The following NECAP2 variants were observed in gnomAD, a reference collection of about 807,000 sequenced individuals.
NECAP2 encodes the protein adaptin ear-binding coat-associated protein 2.
In NECAP2, 38 loss-of-function variants were observed where a neutral mutation model predicts 37.8. The observed-to-expected ratio is 1.01, with a 90% CI of 0.78 to 1.32. NECAP2 has a LOEUF of 1.32. NECAP2 is among the 40% of genes most tolerant of loss of function. The pLI is 0.00. For missense variants in NECAP2, 316 were observed against 334.5 expected (o/e 0.94, Z 0.43); for synonymous variants, 121 against 127.7 (o/e 0.95, Z 0.35).
rs879146670 is a variant in NECAP2 at position 16,458,908 on chromosome 1, C to T, written c.*18C>T. 24 of 1,614,068 alleles carry T rather than the reference C, an allele frequency of 1.5e-5. No homozygotes were observed. The highest frequency in any genetic ancestry group is 4.4e-5 in the South Asian group (4 of 91,074). On this transcript the variant is annotated 3_prime_UTR_variant, in exon 8 of 8. Coordinates refer to ENST00000337132, the MANE Select transcript of NECAP2 (RefSeq NM_018090.5). ...AGTTCTGACCTGAGCACGGTTTTTC[C>T]TCATGTGACTTCTGGGAAGGCGCTC...
At chr1:16,446,352 A>G (rs1343527272) in intron 2 of NECAP2, among the ~76,000 whole-genome samples, 1 of 152,198 alleles carries the variant, frequency 6.6e-6, no homozygotes, top group Non-Finnish European at 1.5e-5. Context: ...GGATCACTTA[A>G]GACCAGGAGT....
At chr1:16,444,375 C>G (rs753893784) in intron 2 of NECAP2, among the ~76,000 whole-genome samples, 1 of 151,852 alleles carries the variant, frequency 6.6e-6, no homozygotes, top group Admixed American at 6.5e-5. Flanking sequence ...GGTGCCACAA[C>G]ATTCGGTCAT....
chr1:16,455,777 C>T, intron 6 of NECAP2, 41 bp from the exon 7 acceptor site: 3 of 1,528,006 alleles, frequency 2.0e-6, no homozygotes, highest in Non-Finnish European at 2.7e-6. Context: ...TTCTCTGTCC[C>T]CTCTTCTCTT....
At chr1:16,454,398 C>T (rs2086889285) in intron 6 of NECAP2, among the ~76,000 whole-genome samples, 1 of 151,390 alleles carries the variant, frequency 6.6e-6, no homozygotes, top group Non-Finnish European at 1.5e-5. Context: ...CTCTGTTGCC[C>T]AGGCTGGAGT....
At position 16,441,590 on chromosome 1, in the gene NECAP2, A is replaced by G. The variant is rs575893189; in HGVS notation, c.92+737A>G. Reference sequence around the variant, plus strand: ...TCTATCAAAACGACGAAAAATATTAAAAGAAAAAAGATACACTTCATACAG... The same window carrying G: ...TCTATCAAAACGACGAAAAATATTAGAAGAAAAAAGATACACTTCATACAG... On this transcript the variant is annotated intron_variant, in intron 1 of 7. Transcript: ENST00000337132. The G allele has an allele frequency of 2.6e-5, 4 of 152,344 alleles. No individual in the cohort carries two copies. The South Asian group carries it at 8.3e-4, about 32-fold the overall frequency. The allele number at this position is 152,344 out of a possible 1,614,324, so 9.4% of individuals were successfully genotyped here. A position where few individuals can be genotyped will look rare whatever the true frequency, so the allele number is the denominator to read the frequency against.
chr1:16,450,912 A>G (rs1326087687), intron 5 of NECAP2: 1 of 152,200 alleles, frequency 6.6e-6, no homozygotes, highest in Non-Finnish European at 1.5e-5. Flanking sequence ...CGAGCCATTC[A>G]TTGCACTCCA....
rs1164579487 is a variant in NECAP2 at position 16,452,030 on chromosome 1, G to T, written c.667+15G>T. ...TCCCAGTTCAGGTTAGTGCTCAGTG[G>T]GTGACTGCTGCATCAGTACCTGCCG... On this transcript the variant is annotated intron_variant, in intron 6 of 7. Transcript: ENST00000337132. 1 of 1,551,826 alleles carries T rather than the reference G, an allele frequency of 6.4e-7. No homozygotes were observed. Among genetic ancestry groups the T allele is most frequent in the Middle Eastern group, 1.8e-4 (1 of 5,634 alleles).
intron 1 of NECAP2, chr1:16,441,766 C>T (rs1475493423): frequency 6.6e-6 from 1 of 152,150 alleles, no homozygotes; most frequent in East Asian, 1.9e-4. Context: ...GGAACGTCCA[C>T]ATTTCCTCTT....
At position 16,459,179 on chromosome 1, in the gene NECAP2, A is replaced by G. The variant is rs1294433040; in HGVS notation, c.*289A>G. On this transcript the variant is annotated 3_prime_UTR_variant, in exon 8 of 8. Coordinates refer to ENST00000337132, the MANE Select transcript of NECAP2 (RefSeq NM_018090.5). The stretch of plus-strand genomic sequence containing the variant: ...TGAGAGAGACTCTGAGACTTCTTCC[A>G]TCGCAATGACCTGTATTAAACACAA... 2 of 573,978 alleles carry G rather than the reference A, an allele frequency of 3.5e-6. No individual in the cohort carries two copies. The highest frequency in any genetic ancestry group is 6.0e-6 in the Non-Finnish European group (2 of 332,708). 35.6% of individuals were successfully genotyped at this position (573,978 alleles called of 1,614,324 possible). A position where few individuals can be genotyped will look rare whatever the true frequency, so the allele number is the denominator to read the frequency against.
intron 7 of NECAP2, 94 bp downstream of exon 7, chr1:16,455,987 AT>A (rs1046481433): frequency 3.7e-6 from 3 of 816,806 alleles, no homozygotes; most frequent in African/African-American, 3.5e-5. Flanking sequence ...TGGTGTTAGG[AT>A]TAGGAGTAAC....
chr1:16,447,225 C>T (rs2086776756), intron 2 of NECAP2, among the ~76,000 whole-genome samples: 1 of 152,166 alleles, frequency 6.6e-6, no homozygotes, highest in African/African-American at 2.4e-5. Flanking sequence ...ATGGGAAAAA[C>T]TGATGCCAGT....
chr1:16,453,478 C>A (rs2086875594), intron 6 of NECAP2, among the ~76,000 whole-genome samples: 1 of 151,932 alleles, frequency 6.6e-6, no homozygotes, highest in Admixed American at 6.6e-5. Flanking sequence ...CCTAAGCAAC[C>A]AAGGTTGCTG....
chr1:16,440,754 G>C lies in NECAP2; in HGVS notation c.-8G>C, dbSNP rs962829179. On this transcript the variant is annotated 5_prime_UTR_variant, in exon 1 of 8. Transcript: ENST00000337132. ...TCGCCGGAAGTTCGGTGGGCTCCAG[G>C]CGTCGCGATGGAGGAGAGCGGGTAC... is the stretch of plus-strand genomic sequence containing the variant. 12 of 1,612,050 alleles carry C rather than the reference G, an allele frequency of 7.4e-6. No homozygotes were observed. Among genetic ancestry groups the C allele is most frequent in the Non-Finnish European group, 1.0e-5 (12 of 1,178,264 alleles).
chr1:16,440,817 A>G lies in NECAP2; in HGVS notation c.56A>G (p.Tyr19Cys), dbSNP rs770224883. 1 of 1,614,160 alleles carries G rather than the reference A, an allele frequency of 6.2e-7. No individual in the cohort carries two copies. Among genetic ancestry groups the G allele is most frequent in the Non-Finnish European group, 8.5e-7 (1 of 1,180,016 alleles). The change falls in exon 1 of 8, where the codon TAC (tyrosine) becomes TGC (cysteine). Residue 19 changes from tyrosine to cysteine, a missense_variant. By Grantham distance (194) the Tyr-to-Cys change is radical (BLOSUM62 -2). Around this residue, in one of 3 missense-constraint regions of NECAP2, gnomAD observed 81 missense variants for 124.2 expected, o/e 0.65. Transcript: ENST00000337132. ...TGTGTCAAGCCTGACGTCCACGTCT[A>G]CCGCATCCCTCCGCGGGCTACCAAC... Reference protein sequence around the residue: ...VLCVKPDVHVYRIPPRATNRG... With the variant: ...VLCVKPDVHVCRIPPRATNRG...
intron 3 of NECAP2, 38 bp from the exon 4 acceptor site, chr1:16,448,021 TG>T (rs1557687574): frequency 6.2e-7 from 1 of 1,613,872 alleles, no homozygotes; most frequent in African/African-American, 1.3e-5. Flanking sequence ...AGGTTTTCTC[TG>T]CCTTTGGAAG....
At chr1:16,442,732 A>T (rs772734977) in intron 1 of NECAP2, among the ~76,000 whole-genome samples, 4 of 152,216 alleles carry the variant, frequency 2.6e-5, no homozygotes, top group Admixed American at 6.5e-5. Context: ...CTTCAGGACC[A>T]GCCTGGGCAA....
intron 6 of NECAP2, chr1:16,455,537 G>A (rs2086904366): frequency 4.6e-6 from 2 of 431,516 alleles, no homozygotes; most frequent in Admixed American, 7.0e-5. Flanking sequence ...TAGATGACGT[G>A]AGACTAACCA....
At chr1:16,446,751 T>C (rs2086769323) in intron 2 of NECAP2, among the ~76,000 whole-genome samples, 1 of 152,094 alleles carries the variant, frequency 6.6e-6, no homozygotes, top group Non-Finnish European at 1.5e-5. Context: ...ACCATCTTGC[T>C]CATGCTAGTC....
chr1:16,449,280 G>C (rs2086807970), intron 5 of NECAP2, 79 bp downstream of exon 5: 1 of 921,004 alleles, frequency 1.1e-6, no homozygotes. Context: ...TCTTCTTACA[G>C]TTCAGCTCCT....
Sources: gnomAD v4.1 joint callset for allele counts (sites outside exome capture counted in the v4.1 genomes callset) on GRCh38, gnomAD v4.1.1 for gene constraint, gnomAD v4.1.1 regional missense constraint, MANE v1.5 for transcripts, NCBI Gene and HGNC (gene_info 2026-07-23, HGNC 2026-07-21) for gene names.